RBFOX1: variants seen among roughly 807,000 people sequenced by gnomAD.
The protein encoded by RBFOX1 is RNA binding protein fox-1 homolog 1.
In RBFOX1, 8 loss-of-function variants were observed where a neutral mutation model predicts 57.7. That is an observed-to-expected ratio of 0.14 (90% CI 0.08 to 0.25). RBFOX1 has a LOEUF of 0.25. Among genes scored for constraint, RBFOX1 ranks in the 10% least tolerant of loss-of-function variants. RBFOX1 has a pLI of 1.00. For missense variants in RBFOX1, 611 were observed against 548.5 expected (o/e 1.11, Z -1.14); for synonymous variants, 326 against 222.4 (o/e 1.47, Z -4.15).
chr16:6,961,273 A>C (rs1163283981), intron 3 of RBFOX1, among the ~76,000 whole-genome samples: 2 of 152,216 alleles, frequency 1.3e-5, no homozygotes, highest in African/African-American at 4.8e-5. Flanking sequence ...GGGAGACCCC[A>C]CCAGAGGAGA....
intron 4 of RBFOX1, among the ~76,000 whole-genome samples, chr16:5,932,338 A>T (rs1400535507): frequency 6.6e-6 from 1 of 152,224 alleles, no homozygotes; most frequent in Non-Finnish European, 1.5e-5. Context: ...AGCTGCCAGA[A>T]AACAGAGCCT....
chr16:6,756,849 C>G (rs1029809118), intron 3 of RBFOX1, among the ~76,000 whole-genome samples: 3 of 152,016 alleles, frequency 2.0e-5, no homozygotes, highest in Non-Finnish European at 4.4e-5. Context: ...GTGGCAGACA[C>G]CTGTAGTCAC....
intron 3 of RBFOX1, among the ~76,000 whole-genome samples, chr16:5,789,559 C>G (rs1172782355): frequency 1.3e-5 from 2 of 152,174 alleles, no homozygotes; most frequent in Non-Finnish European, 2.9e-5. Flanking sequence ...ATCATCATCA[C>G]TAGTACTGGC....
chr16:6,668,393 G>A (rs1382755867), intron 3 of RBFOX1, among the ~76,000 whole-genome samples: 1 of 152,234 alleles, frequency 6.6e-6, no homozygotes, highest in African/African-American at 2.4e-5. Flanking sequence ...CATCTGAGGA[G>A]TAATACAAAG....
intron 1 of RBFOX1, among the ~76,000 whole-genome samples, chr16:5,451,222 A>T (rs2068417027): frequency 6.6e-6 from 1 of 152,140 alleles, no homozygotes; most frequent in Admixed American, 6.5e-5. Context: ...TCTAAGACCC[A>T]TTTAATTCCA....
At chr16:6,692,549 C>G (rs543771173) in intron 3 of RBFOX1, among the ~76,000 whole-genome samples, 1 of 152,142 alleles carries the variant, frequency 6.6e-6, no homozygotes, top group Non-Finnish European at 1.5e-5. Flanking sequence ...ATTACTTCCA[C>G]TTAAGTTGTT....
At chr16:5,659,529 TC>T (rs1162614780) in intron 3 of RBFOX1, among the ~76,000 whole-genome samples, 1 of 152,058 alleles carries the variant, frequency 6.6e-6, no homozygotes, top group Non-Finnish European at 1.5e-5. Context: ...GGCCTCAGTC[TC>T]CTGACCTTGT....
rs374293101 is a variant in RBFOX1 at position 5,297,628 on chromosome 16, C to A, written c.219+57523C>A. ...TGAGTTCTTTATATGTTTTGGAGTT[C>A]CTTATATATATTCTAGCCTTATCAG... On this transcript the variant is annotated intron_variant, in intron 1 of 2. Transcript: ENST00000585867. 2.0e-4 allele frequency among the ~76,000 whole-genome samples: 31 copies of A among 151,994 alleles called. 1 individual carries two copies. The South Asian group carries it at 6.2e-3, about 31-fold the overall frequency.
chr16:6,205,809 G>GT (rs34013170), intron 1 of RBFOX1, among the ~76,000 whole-genome samples: 41,440 of 145,436 alleles, frequency 0.28, 6,492 homozygotes, highest in African/African-American at 0.41. Context: ...AAGACTTTAA[G>GT]TACATTCACA....
intron 3 of RBFOX1, among the ~76,000 whole-genome samples, chr16:6,831,308 T>G (rs759705006): frequency 6.6e-6 from 1 of 152,188 alleles, no homozygotes; most frequent in South Asian, 2.1e-4. Context: ...CAGAAACAAC[T>G]TCTTGGACTC....
At chr16:6,976,661 A>G (rs1166473796) in intron 3 of RBFOX1, among the ~76,000 whole-genome samples, 2 of 149,808 alleles carry the variant, frequency 1.3e-5, no homozygotes, top group African/African-American at 2.4e-5. Context: ...TTATATATAT[A>G]TGATATATAT....
intron 2 of RBFOX1, among the ~76,000 whole-genome samples, chr16:5,580,280 G>A (rs1057206807): frequency 6.6e-6 from 1 of 152,160 alleles, no homozygotes; most frequent in Admixed American, 6.5e-5. Context: ...TGGGAGCGCC[G>A]GCTGATTGGA....
chr16:7,550,924 G>A (rs889051457), intron 5 of RBFOX1, among the ~76,000 whole-genome samples: 4 of 151,484 alleles, frequency 2.6e-5, no homozygotes, highest in Non-Finnish European at 5.9e-5. Flanking sequence ...TGAAACCCCA[G>A]TTCTACTAAA....
chr16:7,692,405 TTTTGAAGCACTGAAACA>T (rs780139020), intron 14 of RBFOX1, among the ~76,000 whole-genome samples: 2 of 152,150 alleles, frequency 1.3e-5, no homozygotes, highest in Non-Finnish European at 2.9e-5. Context: ...ACTAGATACC[TTTTGAAGCACTGAAACA>T]TTTGAACAAA....
At chr16:7,316,415 A>T (rs911012853) in intron 4 of RBFOX1, among the ~76,000 whole-genome samples, 1 of 152,346 alleles carries the variant, frequency 6.6e-6, no homozygotes, top group African/African-American at 2.4e-5. Flanking sequence ...AGAATGATTA[A>T]GTCACCTCAA....
chr16:7,092,286 G>A (rs116183707), intron 4 of RBFOX1, among the ~76,000 whole-genome samples: 2,576 of 152,180 alleles, frequency 0.017, 33 homozygotes, highest in African/African-American at 0.031. Context: ...AAATGCTATC[G>A]CATTAAAAGC....
chr16:5,297,702 T>C (rs934826592), intron 1 of RBFOX1, among the ~76,000 whole-genome samples: 4 of 152,202 alleles, frequency 2.6e-5, no homozygotes, highest in Admixed American at 1.3e-4. Flanking sequence ...TGTTTCTTCA[T>C]TGAAGGAGTT....
At chr16:5,390,367 C>T (rs1366828887) in intron 1 of RBFOX1, among the ~76,000 whole-genome samples, 1 of 150,600 alleles carries the variant, frequency 6.6e-6, no homozygotes, top group East Asian at 2.0e-4. Context: ...CAGCTCACTG[C>T]AACCTGTGCC....
At chr16:6,613,560 G>A (rs1042429626) in intron 2 of RBFOX1, among the ~76,000 whole-genome samples, 4 of 152,226 alleles carry the variant, frequency 2.6e-5, no homozygotes, top group Middle Eastern at 3.4e-3. Flanking sequence ...GCTATGGAAC[G>A]CTAGATGATT....
Sources: gnomAD v4.1 joint callset for allele counts (sites outside exome capture counted in the v4.1 genomes callset) on GRCh38, gnomAD v4.1.1 for gene constraint, MANE v1.5 for transcripts, NCBI Gene and HGNC (gene_info 2026-07-23, HGNC 2026-07-21) for gene names.